Variants in WNK2 observed in about 807,000 individuals in gnomAD.
WNK2 encodes WNK lysine deficient protein kinase 2, also known as serine/threonine-protein kinase WNK2.
In WNK2, 67 loss-of-function variants were observed where a neutral mutation model predicts 192.1. The observed-to-expected ratio is 0.35, with a 90% CI of 0.29 to 0.43. WNK2 has a LOEUF of 0.43. Ranked by LOEUF, WNK2 falls within the 20% of genes least tolerant of loss-of-function variation. The pLI, the probability that WNK2 is intolerant of heterozygous loss-of-function variation, is 1.00. For synonymous variants in WNK2, 1,439 were observed against 1,393.9 expected, an observed-to-expected ratio of 1.03 and a Z score of -0.72; for missense variants, 2,698 against 3,089.7, an observed-to-expected ratio of 0.87 and a Z score of 3.01.
At chr9:93,202,194 G>C (rs959124658) in intron 2 of WNK2, among the ~76,000 whole-genome samples, 2 of 152,190 alleles carry the variant, frequency 1.3e-5, no homozygotes, top group African/African-American at 4.8e-5. Context: ...GGGCCCTAGT[G>C]GGGTGGCCGC....
At chr9:93,275,163 C>G (rs945422169) in intron 19 of WNK2, among the ~76,000 whole-genome samples, 1 of 152,170 alleles carries the variant, frequency 6.6e-6, no homozygotes, top group East Asian at 1.9e-4. Context: ...AACATATGAT[C>G]ATAACAGTTG....
intron 7 of WNK2, among the ~76,000 whole-genome samples, chr9:93,244,620 C>T (rs1277246928): frequency 2.6e-5 from 4 of 152,138 alleles, no homozygotes; most frequent in South Asian, 2.1e-4. Flanking sequence ...GTATCTGGGC[C>T]GAGGTGGGCA....
At chr9:93,309,384 G>A (rs1179284226) in intron 28 of WNK2, among the ~76,000 whole-genome samples, 2 of 152,194 alleles carry the variant, frequency 1.3e-5, no homozygotes, top group African/African-American at 2.4e-5. Context: ...TTGTTACTAT[G>A]GATTCAATTT....
chr9:93,253,852 C>T (rs1842919931), intron 9 of WNK2, among the ~76,000 whole-genome samples: 1 of 152,162 alleles, frequency 6.6e-6, no homozygotes, highest in Non-Finnish European at 1.5e-5. Flanking sequence ...TCCCAAGTGC[C>T]CAGCCACAGA....
chr9:93,208,779 G>A (rs1316827826), intron 2 of WNK2, among the ~76,000 whole-genome samples: 1 of 1,512 alleles, frequency 6.6e-4, no homozygotes, highest in Non-Finnish European at 4.2e-3. Flanking sequence ...TGTGTGTTCT[G>A]CGGCTGTGTG....
intron 2 of WNK2, among the ~76,000 whole-genome samples, chr9:93,188,099 G>A (rs575944526): frequency 2.0e-5 from 3 of 152,264 alleles, no homozygotes; most frequent in African/African-American, 7.2e-5. Flanking sequence ...TGTAGAGGGA[G>A]GGTCTAGGGG....
intron 2 of WNK2, among the ~76,000 whole-genome samples, chr9:93,219,695 C>T (rs1361706313): frequency 6.6e-6 from 1 of 152,218 alleles, no homozygotes; most frequent in Admixed American, 6.5e-5. Context: ...TATGTGGGGG[C>T]TCCTTTGCTT....
intron 2 of WNK2, among the ~76,000 whole-genome samples, chr9:93,222,819 A>T (rs1464290831): frequency 6.6e-6 from 1 of 151,996 alleles, no homozygotes; most frequent in African/African-American, 2.4e-5. Flanking sequence ...AGTAGCTGGG[A>T]TTACAGGCGC....
intron 2 of WNK2, among the ~76,000 whole-genome samples, chr9:93,219,336 T>A (rs1298439509): frequency 6.6e-6 from 1 of 152,246 alleles, no homozygotes; most frequent in East Asian, 1.9e-4. Flanking sequence ...GATGCCCGGC[T>A]TGAGTCCCTC....
Position 93,221,100 on chromosome 9 carries a change from C to T in WNK2, c.682-8596C>T, listed in dbSNP as rs57765582. On this transcript the variant is annotated intron_variant, in intron 2 of 29. Transcript: ENST00000427277. ...AGCCTGCCCTGTGACCGGAGCCCTG[C>T]GGTGGGGAGGGCGGGGCCCAGCACA... Among the ~76,000 whole-genome samples, 378 of 152,244 alleles carry T rather than the reference C, an allele frequency of 2.5e-3. 2 individuals are homozygous for T. The highest frequency in any genetic ancestry group is 0.01 in the Middle Eastern group (3 of 294).
At chr9:93,209,240 C>T (rs539873363) in intron 2 of WNK2, among the ~76,000 whole-genome samples, 42 of 152,244 alleles carry the variant, frequency 2.8e-4, no homozygotes, top group African/African-American at 9.6e-4. Context: ...ATGGCGATCT[C>T]CTGGGGCTGT....
chr9:93,198,166 A>G (rs991305097), intron 2 of WNK2, among the ~76,000 whole-genome samples: 1 of 152,138 alleles, frequency 6.6e-6, no homozygotes, highest in Non-Finnish European at 1.5e-5. Flanking sequence ...GTGCAGCTTG[A>G]GGAGGGTGGA....
Position 93,242,608 on chromosome 9 carries a change from G to A in WNK2, c.1542+2632G>A, listed in dbSNP as rs867149326. 6.6e-5 allele frequency among the ~76,000 whole-genome samples: 10 copies of A among 152,252 alleles called. No individual in the cohort carries two copies. The South Asian group carries it at 1.4e-3, about 22-fold the overall frequency. ...AGATGCTGCATAGGCTATGTACAGC[G>A]TGTAAGCTGAGGATTGGGATGGTGG... On this transcript the variant is annotated intron_variant, in intron 7 of 29. Coordinates refer to ENST00000427277, the MANE Select transcript of WNK2 (RefSeq NM_006648.4).
chr9:93,295,293 C>A (rs897041532), intron 23 of WNK2, among the ~76,000 whole-genome samples: 1 of 152,182 alleles, frequency 6.6e-6, no homozygotes, highest in South Asian at 2.1e-4. Flanking sequence ...GCCCACGCAG[C>A]CGCTCCCCAA....
chr9:93,268,859 C>T (rs1258170374), intron 19 of WNK2, 113 bp downstream of exon 19: 3 of 1,573,892 alleles, frequency 1.9e-6, no homozygotes, highest in South Asian at 1.2e-5. Flanking sequence ...GGGGGCTCAC[C>T]CTGCCCTGTC....
Position 93,298,005 on chromosome 9 carries a change from T to G in WNK2, c.5861T>G (p.Leu1954Arg), listed in dbSNP as rs1850905420. 1 of 1,558,554 alleles carries G rather than the reference T, an allele frequency of 6.4e-7. No individual in the cohort carries two copies. The highest frequency in any genetic ancestry group is 1.4e-5 in the African/African-American group (1 of 73,444). The change falls in exon 24 of 30, where the codon CTG becomes CGG. Residue 1954 changes from leucine to arginine, a missense_variant. Around this residue, in one of 7 missense-constraint regions of WNK2, gnomAD observed 1,098 missense variants for 1,101.0 expected, o/e 1.00. Coordinates refer to ENST00000427277, the MANE Select transcript of WNK2 (RefSeq NM_006648.4). ...GRRRKTSKSKLKAGKLLNPLV... is the reference protein window; with the variant it reads ...GRRRKTSKSKRKAGKLLNPLV... Reference sequence around the variant, plus strand: ...CGGAGAAAAACCAGCAAGAGCAAGCTGAAGGCAGGCAAGCTGCTAAATCCC... The same window carrying G: ...CGGAGAAAAACCAGCAAGAGCAAGCGGAAGGCAGGCAAGCTGCTAAATCCC...
intron 2 of WNK2, among the ~76,000 whole-genome samples, chr9:93,192,988 T>C (rs972689857): frequency 6.6e-6 from 1 of 152,176 alleles, no homozygotes; most frequent in Non-Finnish European, 1.5e-5. Flanking sequence ...CCCAAGGTGA[T>C]GGCATGGAGC....
At position 93,247,605 on chromosome 9, in the gene WNK2, C is replaced by T. The variant is rs190904368; in HGVS notation, c.1605C>T (p.Arg535=). 1.3e-4 allele frequency: 214 copies of T among 1,605,402 alleles called. 1 individual carries two copies. In the East Asian group the frequency reaches 3.7e-3, roughly 28 times the overall value. ...TCGTGGCCAAGTCCATCCGTGACCG[C>T]GTGGCCTTGATCCAGTGGCGGCGGG... is the stretch of plus-strand genomic sequence containing the variant. The part of the protein sequence containing the change: ...VKIVAKSIRD[R]VALIQWRRER... Residue 535 remains arginine (R), a synonymous_variant, in exon 8 of 30, where the codon CGC becomes CGT. Transcript: ENST00000427277. This position sits in a 1 kb window ranked among gnomAD's most constrained non-coding sequence, Gnocchi z 5.2.
chr9:93,292,461 A>G, intron 22 of WNK2, 30 bp from the exon 23 acceptor site: 1 of 1,612,134 alleles, frequency 6.2e-7, no homozygotes, highest in East Asian at 2.2e-5. Context: ...TGTTCACATG[A>G]AACCTCTTCA....
Sources: gnomAD v4.1 joint callset for allele counts (sites outside exome capture counted in the v4.1 genomes callset) on GRCh38, gnomAD v4.1.1 for gene constraint, gnomAD v4.1.1 regional missense constraint, Gnocchi (gnomAD v3.1) non-coding constraint, MANE v1.5 for transcripts, NCBI Gene and HGNC (gene_info 2026-07-23, HGNC 2026-07-21) for gene names.